The following BICD1 variants were observed in gnomAD, a reference collection of about 807,000 sequenced individuals.
BICD1 encodes protein bicaudal D homolog 1.
BICD1 carries 35 observed loss-of-function variants against 92.5 expected under a neutral mutation model. The ratio of observed to expected loss-of-function variants is 0.38; its 90% CI spans 0.29 to 0.50. The LOEUF (loss-of-function observed/expected upper bound fraction) is 0.50, where lower values mean the gene tolerates loss of function less well. BICD1 is among the 20% of genes least tolerant of loss of function. BICD1 has a pLI of 0.93. For missense variants in BICD1, 950 were observed against 1,189.8 expected, an observed-to-expected ratio of 0.80 and a Z score of 2.97; for synonymous variants, 429 against 465.1, an observed-to-expected ratio of 0.92 and a Z score of 1.00.
chr12:32,321,248 C>A (rs999942597), intron 4 of BICD1, among the ~76,000 whole-genome samples: 7 of 151,978 alleles, frequency 4.6e-5, no homozygotes, highest in African/African-American at 1.7e-4. Context: ...ATCGCTTGAA[C>A]CCCGGAGGCA....
At chr12:32,363,847 G>A (rs1431619695) in intron 8 of BICD1, among the ~76,000 whole-genome samples, 1 of 152,168 alleles carries the variant, frequency 6.6e-6, no homozygotes, top group Non-Finnish European at 1.5e-5. Flanking sequence ...CTACCTCCTA[G>A]TGGAGTTTGT....
intron 3 of BICD1, among the ~76,000 whole-genome samples, chr12:32,296,256 G>GTT (rs373796519): frequency 5.4e-4 from 49 of 90,184 alleles, no homozygotes; most frequent in African/African-American, 1.7e-3. Flanking sequence ...GTTTTTTTTT[G>GTT]TTTTTTTTTT....
chr12:32,227,748 G>T (rs77583274), intron 2 of BICD1: 19 of 157,706 alleles, frequency 1.2e-4, no homozygotes, highest in African/African-American at 4.3e-4. Flanking sequence ...AAGAGTACCC[G>T]TAGCCTCCAT....
intron 1 of BICD1, among the ~76,000 whole-genome samples, chr12:32,112,275 G>A (rs1052721055): frequency 6.6e-6 from 1 of 152,090 alleles, no homozygotes; most frequent in South Asian, 2.1e-4. Flanking sequence ...CAAAGTGCTG[G>A]GATTACAGGC....
intron 1 of BICD1, among the ~76,000 whole-genome samples, chr12:32,124,925 G>A (rs865925929): frequency 3.3e-5 from 5 of 152,188 alleles, no homozygotes; most frequent in African/African-American, 7.2e-5. Context: ...ATAGCTGACT[G>A]TAACAAAGTT....
intron 4 of BICD1, among the ~76,000 whole-genome samples, chr12:32,325,309 C>T (rs554360122): frequency 5.9e-4 from 90 of 152,278 alleles, no homozygotes; most frequent in African/African-American, 2.0e-3. Context: ...ATAACAGATA[C>T]GTAGTAACCA....
chr12:32,141,327 T>G (rs758423766), intron 1 of BICD1, among the ~76,000 whole-genome samples: 1 of 76,712 alleles, frequency 1.3e-5, no homozygotes, highest in African/African-American at 6.4e-5. Flanking sequence ...TATTTCTGAT[T>G]TTTTTTTGTC....
intron 9 of BICD1, among the ~76,000 whole-genome samples, chr12:32,374,644 C>G (rs1233647554): frequency 6.7e-6 from 1 of 148,236 alleles, no homozygotes; most frequent in African/African-American, 2.5e-5. Context: ...CTCAGCTCAC[C>G]GCAACGTCTG....
At chr12:32,250,495 A>C (rs1487086861) in intron 2 of BICD1, among the ~76,000 whole-genome samples, 1 of 152,212 alleles carries the variant, frequency 6.6e-6, no homozygotes, top group Non-Finnish European at 1.5e-5. Context: ...TCATCCAGTT[A>C]ATTGAAAGAG....
chr12:32,363,679 T>A, intron 8 of BICD1, among the ~76,000 whole-genome samples: 1 of 152,192 alleles, frequency 6.6e-6, no homozygotes, highest in Middle Eastern at 3.2e-3. Context: ...TTTAGTTATG[T>A]TTGATTAGTT....
At chr12:32,184,101 A>G (rs1944358517) in intron 1 of BICD1, among the ~76,000 whole-genome samples, 1 of 152,112 alleles carries the variant, frequency 6.6e-6, no homozygotes, top group Non-Finnish European at 1.5e-5. Flanking sequence ...AGTGGTCAGG[A>G]CTGTTGAAGA....
chr12:32,108,452 A>G (rs181058214), intron 1 of BICD1: 1 of 448,470 alleles, frequency 2.2e-6, no homozygotes, highest in Non-Finnish European at 4.0e-6. Context: ...CATATTGTTT[A>G]AGTAACTCGG....
intron 2 of BICD1, among the ~76,000 whole-genome samples, chr12:32,267,127 C>G (rs1422532446): frequency 6.6e-6 from 1 of 152,174 alleles, no homozygotes; most frequent in Middle Eastern, 3.2e-3. Flanking sequence ...GGTAAATGCT[C>G]TCTGATAGGT....
chr12:32,306,033 A>G lies in BICD1; in HGVS notation c.916A>G (p.Arg306Gly). 1 of 1,614,182 alleles carries G rather than the reference A, an allele frequency of 6.2e-7. No individual in the cohort carries two copies. The highest frequency in any genetic ancestry group is 8.5e-7 in the Non-Finnish European group (1 of 1,180,028). Residue 306 changes from arginine to glycine, a missense_variant, in exon 4 of 10, where the codon AGG becomes GGG. Physicochemically the swap from Arg to Gly is moderately radical, Grantham distance 125. Coordinates refer to ENST00000652176, the MANE Select transcript of BICD1 (RefSeq NM_001714.4). ...LNGDYRTPTLRKGESLNPVSD... is the reference protein window; with the variant it reads ...LNGDYRTPTLGKGESLNPVSD... ...TGGAGACTATCGGACTCCCACCTTA[A>G]GGAAAGGAGAGTCTCTGAACCCTGT...
chr12:32,173,064 T>TTG (rs145093947), intron 1 of BICD1, among the ~76,000 whole-genome samples: 17,753 of 151,772 alleles, frequency 0.12, 1,347 homozygotes, highest in East Asian at 0.28. Flanking sequence ...TTTGTTTTTT[T>TTG]TGGAGACAGC....
rs1462482231 is a variant in BICD1, at chr12:32,107,287, T to C, written c.-45T>C. ...CCTTTCCCCGCCAGCTTCGCATCCA[T>C]CTCCCCCACCCCGTAACCCCCTCCT... On this transcript the variant is annotated 5_prime_UTR_variant, in exon 1 of 10. Coordinates refer to ENST00000652176, the MANE Select transcript of BICD1 (RefSeq NM_001714.4). The C allele has an allele frequency of 6.7e-7, 1 of 1,499,936 alleles. No homozygotes were observed. The highest frequency in any genetic ancestry group is 1.2e-5 in the South Asian group (1 of 82,466). 92.9% of individuals were successfully genotyped at this position (1,499,936 alleles called of 1,614,324 possible).
chr12:32,323,357 G>A (rs77686076), intron 4 of BICD1, among the ~76,000 whole-genome samples: 13,436 of 152,224 alleles, frequency 0.088, 658 homozygotes, highest in Middle Eastern at 0.13. Flanking sequence ...CTAACCAATT[G>A]TTCACAATAG....
chr12:32,296,819 C>T (rs1270824427), intron 3 of BICD1, among the ~76,000 whole-genome samples: 2 of 152,100 alleles, frequency 1.3e-5, no homozygotes, highest in African/African-American at 2.4e-5. Flanking sequence ...CCAAGGTATC[C>T]CTTGAGTATT....
intron 5 of BICD1, chr12:32,332,429 C>T: frequency 1.0e-6 from 1 of 983,314 alleles, no homozygotes; most frequent in Non-Finnish European, 1.2e-6. Context: ...TGAATCTTCT[C>T]ATTTACTTAA....
Sources: allele counts gnomAD v4.1 joint callset (sites outside exome capture counted in the v4.1 genomes callset), GRCh38; gene constraint gnomAD v4.1.1; transcripts MANE v1.5; gene names NCBI Gene and HGNC (gene_info 2026-07-23, HGNC 2026-07-21).